The following ERP44 variants were observed in gnomAD, a reference collection of about 807,000 sequenced individuals.
ERP44 encodes the protein endoplasmic reticulum resident protein 44.
In ERP44, 25 loss-of-function variants were observed where a neutral mutation model predicts 53.4. The observed-to-expected ratio is 0.47, with a 90% CI of 0.34 to 0.65. The LOEUF is 0.65. Among genes scored for constraint, ERP44 ranks in the 30% least tolerant of loss-of-function variants. The probability of loss-of-function intolerance (pLI) is 0.01; values close to 1 mark genes in which losing one functional copy is unlikely to be tolerated. For missense variants in ERP44, 338 were observed against 493.2 expected, an observed-to-expected ratio of 0.69 and a Z score of 2.98; for synonymous variants, 145 against 161.2, an observed-to-expected ratio of 0.90 and a Z score of 0.76.
chr9:100,075,158 C>G (rs1410798180), intron 1 of ERP44, among the ~76,000 whole-genome samples: 1 of 152,190 alleles, frequency 6.6e-6, no homozygotes, highest in Non-Finnish European at 1.5e-5. Context: ...CCATTCTACT[C>G]TCCTATCTGG....
At chr9:100,018,000 T>C (rs1481469030) in intron 7 of ERP44, among the ~76,000 whole-genome samples, 1 of 151,282 alleles carries the variant, frequency 6.6e-6, no homozygotes, top group African/African-American at 2.4e-5. Flanking sequence ...AGGAGATCCC[T>C]AATGCCAGCT....
intron 10 of ERP44, chr9:99,998,772 T>G: frequency 2.4e-6 from 2 of 817,904 alleles, no homozygotes; most frequent in Non-Finnish European, 4.1e-6. Context: ...CTTTTCTCTC[T>G]CCTCCTCCGT....
intron 10 of ERP44, among the ~76,000 whole-genome samples, chr9:100,002,948 A>AAC (rs1830393389): frequency 6.6e-6 from 1 of 151,864 alleles, no homozygotes; most frequent in Non-Finnish European, 1.5e-5. Flanking sequence ...TAACTTGAAT[A>AAC]TTTACTCTTT....
At chr9:100,085,783 C>A (rs576261007) in intron 1 of ERP44, among the ~76,000 whole-genome samples, 1 of 152,338 alleles carries the variant, frequency 6.6e-6, no homozygotes, top group Non-Finnish European at 1.5e-5. Context: ...CCTGTAATCT[C>A]AGCTACTTGG....
rs1449832764 is a variant in ERP44 at position 99,979,768 on chromosome 9, A to ACTT, written c.*2841_*2843dup. On this transcript the variant is annotated 3_prime_UTR_variant, in exon 12 of 12. Transcript: ENST00000262455. ...GAGTAGATCAGATAAACCGGGGAAG[A>ACTT]CTTCTACCTGAAATGGTCTGATTCA... 1 of 392,668 alleles carries ACTT rather than the reference A, an allele frequency of 2.5e-6. No individual in the cohort carries two copies. Among genetic ancestry groups the ACTT allele is most frequent in the Non-Finnish European group, 4.5e-6 (1 of 222,832 alleles). The allele number at this position is 392,668 out of a possible 1,614,324, so 24.3% of individuals were successfully genotyped here.
In ERP44 at chr9:100,087,137, T is replaced by G. The variant is rs1322485054; in HGVS notation, c.57+11647A>C. 2.0e-5 allele frequency among the ~76,000 whole-genome samples: 3 copies of G among 151,660 alleles called. No individual in the cohort carries two copies. In the East Asian group the frequency reaches 5.8e-4, roughly 29 times the overall value. On this transcript the variant is annotated intron_variant, in intron 1 of 11. Coordinates refer to ENST00000262455, the MANE Select transcript of ERP44 (RefSeq NM_015051.3). ...GCAGAACAGAATTCAAACCCTAATC[T>G]CCTTTAATTCTAAAACCAATGGACT...
At chr9:100,087,202 AATAAT>A (rs1826495176) in intron 1 of ERP44, among the ~76,000 whole-genome samples, 1 of 151,984 alleles carries the variant, frequency 6.6e-6, no homozygotes, top group Admixed American at 6.5e-5. Context: ...CTTTTTTCAA[AATAAT>A]ATAACAAATT....
rs1011206631 is a variant in ERP44, at chr9:99,981,070, T to G, written c.*1542A>C. The G allele has an allele frequency of 6.6e-6, 1 of 152,120 alleles. No homozygotes were observed. 9.4% of individuals were successfully genotyped at this position (152,120 alleles called of 1,614,324 possible). A position where few individuals can be genotyped will look rare whatever the true frequency, so the allele number is the denominator to read the frequency against. On this transcript the variant is annotated 3_prime_UTR_variant, in exon 12 of 12. Transcript: ENST00000262455. ...CACAGATCTGGTCCATAATCTAACC[T>G]GAAGACCATAACTCTAACTTCATTT...
At chr9:100,087,694 T>A (rs1052288065) in intron 1 of ERP44, among the ~76,000 whole-genome samples, 35 of 152,208 alleles carry the variant, frequency 2.3e-4, no homozygotes, top group African/African-American at 7.5e-4. Context: ...TATTTCCAAG[T>A]GGTAGAATAC....
chr9:100,024,011 C>G lies in ERP44; in HGVS notation c.287-1785G>C, dbSNP rs1367041254. On this transcript the variant is annotated intron_variant, in intron 4 of 11. Transcript: ENST00000262455. ...CTCTACTAAAAATACAAAAATTAAC[C>G]AGGCATGGTGGCACATGCCTGTAAT... Among the ~76,000 whole-genome samples the G allele has an allele frequency of 3.3e-5, 5 of 152,036 alleles. No individual in the cohort carries two copies. In the East Asian group the frequency reaches 9.7e-4, roughly 29 times the overall value.
At chr9:100,067,445 G>C (rs1031886241) in intron 1 of ERP44, among the ~76,000 whole-genome samples, 119 of 152,318 alleles carry the variant, frequency 7.8e-4, no homozygotes, top group African/African-American at 2.5e-3. Context: ...CGCCAGCCTC[G>C]GCCTCCCGAG....
intron 10 of ERP44, among the ~76,000 whole-genome samples, chr9:100,001,432 T>G (rs939445764): frequency 6.6e-6 from 1 of 152,180 alleles, no homozygotes; most frequent in African/African-American, 2.4e-5. Flanking sequence ...GCTGAAAAAG[T>G]AGGGTATTGA....
chr9:100,049,780 G>A (rs1286381358), intron 4 of ERP44, among the ~76,000 whole-genome samples: 1 of 152,086 alleles, frequency 6.6e-6, no homozygotes, highest in South Asian at 2.1e-4. Flanking sequence ...CAGGAAAAAT[G>A]AAAACATATG....
At chr9:100,064,066 T>G (rs1479379796) in intron 1 of ERP44, among the ~76,000 whole-genome samples, 1 of 152,242 alleles carries the variant, frequency 6.6e-6, no homozygotes, top group Non-Finnish European at 1.5e-5. Flanking sequence ...ATTAAAAATT[T>G]ATATCTCTCC....
chr9:100,040,482 A>T (rs1451446502), intron 4 of ERP44, among the ~76,000 whole-genome samples: 1 of 152,058 alleles, frequency 6.6e-6, no homozygotes, highest in Non-Finnish European at 1.5e-5. Context: ...CATGATAAAC[A>T]CCCCCAAGGA....
At chr9:100,069,805 C>T (rs1826279007) in intron 1 of ERP44, among the ~76,000 whole-genome samples, 1 of 151,906 alleles carries the variant, frequency 6.6e-6, no homozygotes, top group Non-Finnish European at 1.5e-5. Context: ...TAAAAAGAAA[C>T]AAAATTTGTT....
intron 6 of ERP44, among the ~76,000 whole-genome samples, chr9:100,018,596 ATTGGTTTGG>A (rs1830551385): frequency 6.6e-6 from 1 of 152,168 alleles, no homozygotes; most frequent in Non-Finnish European, 1.5e-5. Flanking sequence ...GATCAAGGTC[ATTGGTTTGG>A]TCACATGGAC....
In ERP44 at chr9:99,980,449, G is replaced by GTCT. The variant is rs1054453717; in HGVS notation, c.*2160_*2162dup. 72 of 167,058 alleles carry GTCT rather than the reference G, an allele frequency of 4.3e-4. 1 individual carries two copies. The highest frequency in any genetic ancestry group is 1.6e-3 in the African/African-American group (66 of 42,210). 10.3% of individuals were successfully genotyped at this position (167,058 alleles called of 1,614,324 possible). ...TATCTAAAGACTGTCCCAGTCCCAAGTCTTCTCCAAGCAAAACAGCCTTAA... is the reference window on the plus strand; with the variant it reads ...TATCTAAAGACTGTCCCAGTCCCAAGTCTTCTTCTCCAAGCAAAACAGCCTTAA... On this transcript the variant is annotated 3_prime_UTR_variant, in exon 12 of 12. Coordinates refer to ENST00000262455, the MANE Select transcript of ERP44 (RefSeq NM_015051.3).
In ERP44 at chr9:99,982,981, C is replaced by T. The variant is rs910240001; in HGVS notation, c.1120-268G>A. Among the ~76,000 whole-genome samples the T allele has an allele frequency of 4.6e-5, 7 of 152,088 alleles. No individual in the cohort carries two copies. The East Asian group carries it at 7.7e-4, about 17-fold the overall frequency. ...ATTTGCTGAGGTGTGGTGGAAGGGA[C>T]CAAAATACCTGACACCTGGGTGCTT... is the stretch of plus-strand genomic sequence containing the variant. On this transcript the variant is annotated intron_variant, in intron 11 of 11. Coordinates refer to ENST00000262455, the MANE Select transcript of ERP44 (RefSeq NM_015051.3).
Sources: gnomAD v4.1 joint callset for allele counts (sites outside exome capture counted in the v4.1 genomes callset) on GRCh38, gnomAD v4.1.1 for gene constraint, MANE v1.5 for transcripts, NCBI Gene and HGNC (gene_info 2026-07-23, HGNC 2026-07-21) for gene names.